The following ARMC2 variants were observed in gnomAD, a reference collection of about 807,000 sequenced individuals.
ARMC2 encodes the protein armadillo repeat-containing protein 2.
ARMC2 carries 67 observed loss-of-function variants against 90.3 expected under a neutral mutation model. The observed-to-expected ratio is 0.74, with a 90% CI of 0.61 to 0.91. The LOEUF is 0.91. Among genes scored for constraint, ARMC2 ranks in the 40% least tolerant of loss-of-function variants. The probability of loss-of-function intolerance (pLI) is 0.00; values close to 1 mark genes in which losing one functional copy is unlikely to be tolerated. For synonymous variants in ARMC2, 393 were observed against 393.0 expected, an observed-to-expected ratio of 1.00 and a Z score of 0.00; for missense variants, 920 against 1,030.9, an observed-to-expected ratio of 0.89 and a Z score of 1.47.
At chr6:108,919,425 A>G (rs1487293944) in intron 10 of ARMC2, among the ~76,000 whole-genome samples, 1 of 152,166 alleles carries the variant, frequency 6.6e-6, no homozygotes, top group African/African-American at 2.4e-5. Flanking sequence ...TACCAGTAGA[A>G]CTTTGCTCTG....
intron 4 of ARMC2, among the ~76,000 whole-genome samples, chr6:108,870,793 A>T (rs1776327874): frequency 6.6e-6 from 1 of 152,182 alleles, no homozygotes; most frequent in South Asian, 2.1e-4. Flanking sequence ...TCTGATATTT[A>T]TCAAACTCCT....
chr6:108,965,886 C>G (rs1171838620), intron 17 of ARMC2, among the ~76,000 whole-genome samples: 1 of 151,260 alleles, frequency 6.6e-6, no homozygotes, highest in Non-Finnish European at 1.5e-5. Flanking sequence ...CTCCTGGGCT[C>G]AAGCGATCCT....
the ARMC2 span, among the ~76,000 whole-genome samples, chr6:108,989,322 ATTT>A: frequency 6.6e-6 from 1 of 152,128 alleles, no homozygotes; most frequent in Non-Finnish European, 1.5e-5. Flanking sequence ...CTGAAAACAG[ATTT>A]TGAGTATTAT....
intron 4 of ARMC2, among the ~76,000 whole-genome samples, chr6:108,873,971 TA>T (rs1776685520): frequency 6.6e-6 from 1 of 152,252 alleles, no homozygotes; most frequent in Non-Finnish European, 1.5e-5. Flanking sequence ...AAGAGCCTAT[TA>T]CAGGGTGTGG....
At position 108,859,564 on chromosome 6, in the gene ARMC2, A is replaced by G. The variant is rs536355547; in HGVS notation, c.291+1293A>G. Among the ~76,000 whole-genome samples, 7 of 152,282 alleles carry G rather than the reference A, an allele frequency of 4.6e-5. No individual in the cohort carries two copies. In the South Asian group the frequency reaches 1.5e-3, roughly 32 times the overall value. On this transcript the variant is annotated intron_variant, in intron 3 of 17. Transcript: ENST00000392644. ...TCCTTTGTGTGAGTCTATTTTTATC[A>G]ATCATGCTGGGTACTTGAAGGGCCC...
At chr6:108,995,841 T>C in the ARMC2 span, among the ~76,000 whole-genome samples, 2 of 152,112 alleles carry the variant, frequency 1.3e-5, no homozygotes, top group East Asian at 3.8e-4. Flanking sequence ...AAAATTAATG[T>C]TTCCCCCCTT....
At chr6:109,012,399 A>T in the ARMC2 span, among the ~76,000 whole-genome samples, 1 of 152,172 alleles carries the variant, frequency 6.6e-6, no homozygotes, top group Non-Finnish European at 1.5e-5. Context: ...TGGTCAACTT[A>T]CTCAACTGTA....
intron 5 of ARMC2, among the ~76,000 whole-genome samples, chr6:108,890,211 A>AAAAAAAAAC: frequency 7.2e-6 from 1 of 139,572 alleles, no homozygotes. Flanking sequence ...AAAAAAAAAA[A>AAAAAAAAAC]AAAAAAAAAA....
intron 1 of ARMC2, among the ~76,000 whole-genome samples, chr6:108,852,053 AT>A (rs1284240959): frequency 6.6e-6 from 1 of 152,126 alleles, no homozygotes; most frequent in East Asian, 1.9e-4. Context: ...TGGAAGGAAA[AT>A]TTTGTAAAGT....
At chr6:108,954,599 A>G (rs934495692) in intron 13 of ARMC2, among the ~76,000 whole-genome samples, 7 of 152,186 alleles carry the variant, frequency 4.6e-5, no homozygotes, top group Non-Finnish European at 7.4e-5. Context: ...ATTCCAGCCT[A>G]GGTGACACAG....
At chr6:108,863,029 A>G (rs1775438461) in intron 3 of ARMC2, among the ~76,000 whole-genome samples, 1 of 152,182 alleles carries the variant, frequency 6.6e-6, no homozygotes, top group Admixed American at 6.5e-5. Context: ...TGCTTCTGAG[A>G]AGAGGAAGAG....
intron 6 of ARMC2, 115 bp downstream of exon 6, chr6:108,894,658 C>A: frequency 1.3e-6 from 1 of 761,834 alleles, no homozygotes; most frequent in South Asian, 2.2e-5. Context: ...CCAATTTGGT[C>A]ACAAATCAAC....
chr6:108,880,034 T>C (rs1456868132), intron 5 of ARMC2: 1 of 433,604 alleles, frequency 2.3e-6, no homozygotes, highest in African/African-American at 2.1e-5. Context: ...AGAGGGCTTC[T>C]GGTTAAAGGC....
chr6:108,998,389 A>C, the ARMC2 span: 79 of 1,016,234 alleles, frequency 7.8e-5, no homozygotes, highest in Non-Finnish European at 1.1e-4. Context: ...ATGAATAGAT[A>C]TAGGGGCCCA....
At chr6:109,020,458 T>C in the ARMC2 span, among the ~76,000 whole-genome samples, 13 of 152,116 alleles carry the variant, frequency 8.5e-5, no homozygotes. Context: ...GGTAGAAATA[T>C]CCAGTGAAAT....
intron 5 of ARMC2, chr6:108,880,228 A>G (rs1777388904): frequency 3.2e-6 from 1 of 309,236 alleles, no homozygotes; most frequent in Non-Finnish European, 6.3e-6. Flanking sequence ...GCCTTCTCAC[A>G]TTGTGTAATA....
chr6:109,002,218 G>T, the ARMC2 span: 1 of 1,440,374 alleles, frequency 6.9e-7, no homozygotes, highest in Non-Finnish European at 9.8e-7. Context: ...CAACATGTGG[G>T]TCATGAAAGC....
At chr6:108,972,447 T>C (rs1036808883) in intron 17 of ARMC2, among the ~76,000 whole-genome samples, 1 of 152,190 alleles carries the variant, frequency 6.6e-6, no homozygotes, top group African/African-American at 2.4e-5. Context: ...TGATTTTCAG[T>C]AAAGTTTAAA....
intron 10 of ARMC2, among the ~76,000 whole-genome samples, chr6:108,916,364 A>G (rs1773970117): frequency 6.6e-6 from 1 of 152,188 alleles, no homozygotes; most frequent in Non-Finnish European, 1.5e-5. Flanking sequence ...GTACTTCCAC[A>G]TGGCCAACAT....
Sources: allele counts gnomAD v4.1 joint callset (sites outside exome capture counted in the v4.1 genomes callset), GRCh38; gene constraint gnomAD v4.1.1; transcripts MANE v1.5; gene names NCBI Gene and HGNC (gene_info 2026-07-23, HGNC 2026-07-21).